The following ATP2B4 variants were observed in gnomAD, a reference collection of about 807,000 sequenced individuals.
The protein encoded by ATP2B4 is ATPase plasma membrane Ca2+ transporting 4.
Under a neutral mutation model 110.3 loss-of-function variants are expected in ATP2B4, and 39 were observed. That is an observed-to-expected ratio of 0.35 (90% CI 0.27 to 0.46). The LOEUF (loss-of-function observed/expected upper bound fraction) is 0.46. Among genes scored for constraint, ATP2B4 ranks in the 20% least tolerant of loss-of-function variants. ATP2B4 has a pLI of 1.00. For missense variants in ATP2B4, 1,135 were observed against 1,530.9 expected, an observed-to-expected ratio of 0.74 and a Z score of 4.32; for synonymous variants, 538 against 571.7, an observed-to-expected ratio of 0.94 and a Z score of 0.84.
At position 203,683,354 on chromosome 1, in the gene ATP2B4, G is replaced by A. The variant is rs371098430; in HGVS notation, c.149G>A (p.Gly50Asp). The A allele has an allele frequency of 1.2e-6, 2 of 1,614,136 alleles. No individual in the cohort carries two copies. The highest frequency in any genetic ancestry group is 2.7e-5 in the African/African-American group (2 of 75,040). The change falls in exon 2 of 21, where the codon GGT (glycine) becomes GAT (aspartate). Residue 50 changes from glycine to aspartate, a missense_variant. By Grantham distance (94) the Gly-to-Asp change is moderately conservative. Transcript: ENST00000357681. ...ALTQINVHYG[G>D]VQNLCSRLKT... is the part of the protein sequence containing the mutation. ...ACCCAGATTAATGTCCACTATGGAGGTGTACAGAATCTCTGCAGTAGACTG... is the reference window on the plus strand; with the variant it reads ...ACCCAGATTAATGTCCACTATGGAGATGTACAGAATCTCTGCAGTAGACTG...
intron 2 of ATP2B4, among the ~76,000 whole-genome samples, chr1:203,691,414 A>G (rs1220417715): frequency 6.6e-6 from 1 of 152,212 alleles, no homozygotes; most frequent in Non-Finnish European, 1.5e-5. Flanking sequence ...ATGGAAGCAC[A>G]TTCATGAAGT....
chr1:203,671,626 T>C (rs1664665173), intron 1 of ATP2B4, among the ~76,000 whole-genome samples: 1 of 152,142 alleles, frequency 6.6e-6, no homozygotes, highest in African/African-American at 2.4e-5. Flanking sequence ...TTCCCACGTC[T>C]CTGGTGCCCG....
At chr1:203,708,212 A>C in intron 10 of ATP2B4, 108 bp downstream of exon 10, 1 of 1,469,944 alleles carries the variant, frequency 6.8e-7, no homozygotes, top group Non-Finnish European at 9.3e-7. Context: ...TTGCCATCCC[A>C]CATCCCATTT....
Position 203,743,716 on chromosome 1 carries a change from A to G in ATP2B4, c.*3862A>G, listed in dbSNP as rs1667037332. ...GTATTTTTGTACAAAAAAGAAAAAC[A>G]AAAGATTGACTATTGTGGTCTGCAT... On this transcript the variant is annotated 3_prime_UTR_variant, in exon 21 of 21. Coordinates refer to ENST00000357681, the MANE Select transcript of ATP2B4 (RefSeq NM_001684.5). 1 of 152,664 alleles carries G rather than the reference A, an allele frequency of 6.6e-6. No individual in the cohort carries two copies. The highest frequency in any genetic ancestry group is 6.5e-5 in the Admixed American group (1 of 15,286). 9.5% of individuals were successfully genotyped at this position (152,664 alleles called of 1,614,324 possible).
In ATP2B4 at chr1:203,712,153, A is replaced by AG; in HGVS notation, c.2211+19dup. 2 of 1,611,992 alleles carry AG rather than the reference A, an allele frequency of 1.2e-6. No homozygotes were observed. Among genetic ancestry groups the AG allele is most frequent in the Non-Finnish European group, 1.7e-6 (2 of 1,178,906 alleles). On this transcript the variant is annotated intron_variant, in intron 13 of 20. Transcript: ENST00000357681. The stretch of plus-strand genomic sequence containing the variant: ...GAGAAAGGCGAGGTGGGTCCTGGCT[A>AG]GGGGGAACCAGGACCTCACCTGACA...
chr1:203,669,592 A>G (rs112595586), intron 1 of ATP2B4, among the ~76,000 whole-genome samples: 9,005 of 151,140 alleles, frequency 0.06, 475 homozygotes, highest in East Asian at 0.18. Flanking sequence ...ACGTGCCACC[A>G]CCCCCTGCTA....
intron 1 of ATP2B4, among the ~76,000 whole-genome samples, chr1:203,651,086 G>A (rs1211728467): frequency 6.6e-6 from 1 of 152,014 alleles, no homozygotes; most frequent in Non-Finnish European, 1.5e-5. Flanking sequence ...TGACTGTGTT[G>A]TTAAATGGCT....
At chr1:203,667,442 T>C (rs1664540565) in intron 1 of ATP2B4, among the ~76,000 whole-genome samples, 1 of 152,234 alleles carries the variant, frequency 6.6e-6, no homozygotes, top group Non-Finnish European at 1.5e-5. Flanking sequence ...GTGTGGCCTA[T>C]ACTTATTTTT....
chr1:203,731,109 C>T (rs1414488597), intron 20 of ATP2B4, among the ~76,000 whole-genome samples: 1 of 152,198 alleles, frequency 6.6e-6, no homozygotes, highest in Non-Finnish European at 1.5e-5. Context: ...TCTACAGTCC[C>T]TTCTTCCATG....
intron 18 of ATP2B4, among the ~76,000 whole-genome samples, chr1:203,723,420 A>ATATCTC (rs1553251094): frequency 4.0e-4 from 18 of 44,572 alleles, no homozygotes; most frequent in African/African-American, 1.7e-3. Context: ...TGAGACAGAT[A>ATATCTC]TCTCTCTCTC....
At chr1:203,734,805 C>T (rs1251423153) in intron 20 of ATP2B4, among the ~76,000 whole-genome samples, 1 of 151,526 alleles carries the variant, frequency 6.6e-6, no homozygotes, top group Non-Finnish European at 1.5e-5. Flanking sequence ...GAGTTCAAGA[C>T]CAGCCTGGCC....
intron 1 of ATP2B4, among the ~76,000 whole-genome samples, chr1:203,640,400 C>T (rs1201072386): frequency 1.3e-5 from 2 of 152,208 alleles, no homozygotes; most frequent in East Asian, 3.8e-4. Context: ...TCACTGCAAC[C>T]TCAACTTCCT....
At chr1:203,694,517 G>A (rs1247178935) in intron 2 of ATP2B4, among the ~76,000 whole-genome samples, 1 of 152,200 alleles carries the variant, frequency 6.6e-6, no homozygotes, top group Non-Finnish European at 1.5e-5. Context: ...AGGCCCTGAT[G>A]TAGATGCCTG....
rs781417797 is a variant in ATP2B4, at chr1:203,700,249, T to C, written c.693T>C (p.Asp231=). The change falls in exon 5 of 21, where the codon GAT becomes GAC. Residue 231 remains aspartate, a synonymous_variant. Coordinates refer to ENST00000357681, the MANE Select transcript of ATP2B4 (RefSeq NM_001684.5). ...PADGILIQGN[D]LKIDESSLTG... is the part of the protein sequence containing the mutation. ...ATGGAATCCTGATCCAAGGGAATGA[T>C]CTGAAGATTGATGAGAGCTCTCTGA... 4 of 1,614,022 alleles carry C rather than the reference T, an allele frequency of 2.5e-6. No homozygotes were observed. The highest frequency in any genetic ancestry group is 3.3e-4 in the Middle Eastern group (2 of 6,060).
intron 20 of ATP2B4, among the ~76,000 whole-genome samples, chr1:203,737,368 C>T (rs1196762817): frequency 6.6e-6 from 1 of 152,148 alleles, no homozygotes; most frequent in African/African-American, 2.4e-5. Context: ...ATTTTGAGAT[C>T]TTGAAAACAT....
intron 5 of ATP2B4, 34 bp downstream of exon 5, chr1:203,700,365 C>T (rs1331797347): frequency 6.3e-7 from 1 of 1,594,864 alleles, no homozygotes; most frequent in African/African-American, 1.3e-5. Context: ...TCCCATTTAC[C>T]TCCCTGCAAA....
At chr1:203,694,492 G>A (rs1400150677) in intron 2 of ATP2B4, among the ~76,000 whole-genome samples, 1 of 152,190 alleles carries the variant, frequency 6.6e-6, no homozygotes, top group African/African-American at 2.4e-5. Context: ...TGGGCAGAGG[G>A]AACAGCTTGT....
intron 1 of ATP2B4, among the ~76,000 whole-genome samples, chr1:203,643,485 T>C (rs1277610067): frequency 1.3e-5 from 2 of 152,228 alleles, no homozygotes; most frequent in African/African-American, 4.8e-5. Context: ...GAATCTCCCC[T>C]GCTTTTCCCA....
intron 4 of ATP2B4, among the ~76,000 whole-genome samples, 195 bp downstream of exon 4, chr1:203,699,912 A>T (rs1320558458): frequency 6.6e-6 from 1 of 152,228 alleles, no homozygotes; most frequent in Admixed American, 6.5e-5. Flanking sequence ...CTGTCGCAAG[A>T]TTGTCAGACT....
Sources: allele counts gnomAD v4.1 joint callset (sites outside exome capture counted in the v4.1 genomes callset), GRCh38; gene constraint gnomAD v4.1.1; transcripts MANE v1.5; gene names NCBI Gene and HGNC (gene_info 2026-07-23, HGNC 2026-07-21).